The following CHAT variants were observed in gnomAD, a reference collection of about 807,000 sequenced individuals.
CHAT encodes the protein choline O-acetyltransferase.
In CHAT, 61 loss-of-function variants were observed where a neutral mutation model predicts 76.9. The ratio of observed to expected loss-of-function variants is 0.79; its 90% CI spans 0.65 to 0.98. The LOEUF is 0.98. Among genes scored for constraint, CHAT ranks in the 50% least tolerant of loss-of-function variants. CHAT has a pLI of 0.00. For missense variants in CHAT, 946 were observed against 986.9 expected, an observed-to-expected ratio of 0.96 and a Z score of 0.56; for synonymous variants, 407 against 397.4, an observed-to-expected ratio of 1.02 and a Z score of -0.29.
intron 1 of CHAT, 57 bp downstream of exon 1, chr10:49,614,532 G>T: frequency 6.8e-7 from 1 of 1,466,236 alleles, no homozygotes; most frequent in Non-Finnish European, 9.2e-7. Flanking sequence ...CAAGGGCGGC[G>T]GTCGGGGGCT....
At chr10:49,611,156 A>G (rs748456801), upstream of CHAT, 2 of 1,613,842 alleles carry the variant, frequency 1.2e-6, no homozygotes, top group African/African-American at 1.3e-5. Context: ...CTGCTAGTGA[A>G]CCCCTTGAGC....
upstream of CHAT, among the ~76,000 whole-genome samples, chr10:49,609,420 C>A (rs1302897706): frequency 1.4e-5 from 2 of 148,050 alleles, no homozygotes; most frequent in East Asian, 4.0e-4. Context: ...AGGGCTTGGT[C>A]GGGTGCGAAG....
At chr10:49,620,158 G>A (rs998339877) in intron 3 of CHAT, among the ~76,000 whole-genome samples, 3 of 152,050 alleles carry the variant, frequency 2.0e-5, no homozygotes, top group East Asian at 1.9e-4. Context: ...CGGACAAATC[G>A]GGGACAGGAA....
Position 49,614,182 on chromosome 10 carries a change from G to C in CHAT, c.-8G>C. 1 of 1,543,296 alleles carries C rather than the reference G, an allele frequency of 6.5e-7. No homozygotes were observed. Among genetic ancestry groups the C allele is most frequent in the Non-Finnish European group, 8.7e-7 (1 of 1,143,762 alleles). The stretch of plus-strand genomic sequence containing the variant: ...GCTGAGATCCCTGGGCGGGGAGCTG[G>C]GGAAGGGATGGGGCTGAGGACAGCG... On this transcript the variant is annotated 5_prime_UTR_variant, in exon 1 of 15. Coordinates refer to ENST00000337653, the MANE Select transcript of CHAT (RefSeq NM_020549.5).
chr10:49,652,841 G>A (rs1348061602), intron 11 of CHAT, among the ~76,000 whole-genome samples: 1 of 151,624 alleles, frequency 6.6e-6, no homozygotes, highest in Admixed American at 6.6e-5. Flanking sequence ...CACGGAAGGT[G>A]TGCGTGTGGG....
At chr10:49,663,248 G>A (rs1840253631) in intron 14 of CHAT, among the ~76,000 whole-genome samples, 1 of 152,080 alleles carries the variant, frequency 6.6e-6, no homozygotes, top group Admixed American at 6.6e-5. Flanking sequence ...AAAAAAGGAA[G>A]AAGAAGGTTT....
At chr10:49,652,636 T>C (rs1030513543) in intron 11 of CHAT, among the ~76,000 whole-genome samples, 2 of 151,366 alleles carry the variant, frequency 1.3e-5, no homozygotes, top group African/African-American at 4.9e-5. Flanking sequence ...CCTGTCTTCA[T>C]GAAGAGTGAA....
chr10:49,627,876 C>A, intron 7 of CHAT, 91 bp downstream of exon 7: 2 of 1,434,056 alleles, frequency 1.4e-6, no homozygotes, highest in Non-Finnish European at 9.5e-7. Flanking sequence ...GGGCCTCATC[C>A]CCATCAGCCA....
rs114514836 is a variant in CHAT at position 49,636,519 on chromosome 10, G to T, written c.1111+8734G>T. Among the ~76,000 whole-genome samples the T allele has an allele frequency of 4.0e-3, 605 of 152,172 alleles. 3 individuals are homozygous for T. The highest frequency in any genetic ancestry group is 0.014 in the African/African-American group (571 of 41,546). ...TGTATTTATCTTCTTTTGGTATCAG[G>T]ATACCTGTTTCGTAAAATAAATTGG... is the stretch of plus-strand genomic sequence containing the variant. On this transcript the variant is annotated intron_variant, in intron 7 of 14. Transcript: ENST00000337653.
At chr10:49,627,110 C>T (rs1339778084) in intron 6 of CHAT, among the ~76,000 whole-genome samples, 4 of 152,248 alleles carry the variant, frequency 2.6e-5, no homozygotes, top group African/African-American at 9.6e-5. Flanking sequence ...CACCACATTT[C>T]ACTTAGCCAT....
At position 49,665,207 on chromosome 10, in the gene CHAT, G is replaced by C; in HGVS notation, c.*161G>C. On this transcript the variant is annotated 3_prime_UTR_variant, in exon 15 of 15. Coordinates refer to ENST00000337653, the MANE Select transcript of CHAT (RefSeq NM_020549.5). ...ATCACACAGAGCCGGAGTGTTAGGA[G>C]GAAAGGGTCCCCTCTTCATGCATGG... The C allele has an allele frequency of 1.2e-6, 1 of 804,350 alleles. No individual in the cohort carries two copies. 49.8% of individuals were successfully genotyped at this position (804,350 alleles called of 1,614,324 possible).
In CHAT at chr10:49,625,565, T is replaced by C. The variant is rs1590572775; in HGVS notation, c.845T>C (p.Leu282Pro). Residue 282 changes from leucine (L) to proline (P), a missense_variant, in exon 6 of 15, where the codon CTC becomes CCC. Leu to Pro is a moderately conservative substitution (Grantham distance 98). Around this residue, in one of 3 missense-constraint regions of CHAT, gnomAD observed 548 missense variants for 516.2 expected, o/e 1.06. Coordinates refer to ENST00000337653, the MANE Select transcript of CHAT (RefSeq NM_020549.5). Reference sequence around the variant, plus strand: ...TATGGGCTCTTCTCCTCCTACCGGCTCCCCGGCCATACCCAGGACACGCTG... The same window carrying C: ...TATGGGCTCTTCTCCTCCTACCGGCCCCCCGGCCATACCCAGGACACGCTG... ...QYYGLFSSYR[L>P]PGHTQDTLVA... 1 of 1,612,636 alleles carries C rather than the reference T, an allele frequency of 6.2e-7. No individual in the cohort carries two copies. The highest frequency in any genetic ancestry group is 8.5e-7 in the Non-Finnish European group (1 of 1,179,514).
At chr10:49,653,278 G>C in intron 11 of CHAT, among the ~76,000 whole-genome samples, 1 of 152,074 alleles carries the variant, frequency 6.6e-6, no homozygotes, top group African/African-American at 2.4e-5. Flanking sequence ...GTGAAGGCAG[G>C]GGAGAGGTCA....
intron 2 of CHAT, among the ~76,000 whole-genome samples, chr10:49,617,240 C>T (rs1474730136): frequency 5.3e-5 from 8 of 151,722 alleles, no homozygotes; most frequent in Non-Finnish European, 1.0e-4. Flanking sequence ...TCTGGCTTCT[C>T]CCCAAGAAGC....
intron 6 of CHAT, 35 bp from the exon 7 acceptor site, chr10:49,627,573 C>T: frequency 6.2e-7 from 1 of 1,611,530 alleles, no homozygotes; most frequent in Non-Finnish European, 8.5e-7. Context: ...ACGGGCCACC[C>T]AACAAGTGAC....
At chr10:49,609,677 G>A (rs1838237680), upstream of CHAT, among the ~76,000 whole-genome samples, 1 of 152,112 alleles carries the variant, frequency 6.6e-6, no homozygotes, top group African/African-American at 2.4e-5. Flanking sequence ...CGGAGGGGCC[G>A]GTGGGTCAGA....
At chr10:49,648,479 A>T (rs2132808177) in intron 8 of CHAT, 28 bp from the exon 9 acceptor site, 1 of 1,591,782 alleles carries the variant, frequency 6.3e-7, no homozygotes, top group Non-Finnish European at 8.6e-7. Flanking sequence ...CTCTCCCATG[A>T]TCGCCCACTC....
At chr10:49,648,940 G>A (rs1004743013) in intron 9 of CHAT, among the ~76,000 whole-genome samples, 1 of 152,130 alleles carries the variant, frequency 6.6e-6, no homozygotes, top group African/African-American at 2.4e-5. Context: ...CCAGGCCCAC[G>A]GCTGCCCCAG....
chr10:49,662,375 A>T (rs1840219167), intron 13 of CHAT, among the ~76,000 whole-genome samples: 1 of 152,110 alleles, frequency 6.6e-6, no homozygotes, highest in African/African-American at 2.4e-5. Context: ...AGACTCACTA[A>T]CCTTTAGCTC....
Sources: allele counts gnomAD v4.1 joint callset (sites outside exome capture counted in the v4.1 genomes callset), GRCh38; gene constraint gnomAD v4.1.1; regional missense constraint gnomAD v4.1.1; transcripts MANE v1.5; gene names NCBI Gene and HGNC (gene_info 2026-07-23, HGNC 2026-07-21).